The following SYNE2 variants were observed in gnomAD, a reference collection of about 807,000 sequenced individuals.
The protein encoded by SYNE2 is spectrin repeat containing nuclear envelope protein 2, also known as nesprin-2.
A neutral mutation model predicts 856.3 loss-of-function variants in SYNE2; 431 were observed. The ratio of observed to expected loss-of-function variants is 0.50; its 90% CI spans 0.47 to 0.55. SYNE2 has a LOEUF of 0.55. Among genes scored for constraint, SYNE2 ranks in the 20% least tolerant of loss-of-function variants. The probability of loss-of-function intolerance (pLI) is 0.00; values close to 1 mark genes in which losing one functional copy is unlikely to be tolerated. For missense variants in SYNE2, 8,129 were observed against 8,023.2 expected (o/e 1.01, Z -0.50); for synonymous variants, 2,923 against 2,872.3 (o/e 1.02, Z -0.56).
At chr14:63,858,903 TA>T (rs1263399327) in intron 1 of SYNE2, among the ~76,000 whole-genome samples, 3 of 152,248 alleles carry the variant, frequency 2.0e-5, no homozygotes, top group Non-Finnish European at 4.4e-5. Flanking sequence ...GAAATCTGCC[TA>T]ATTCAAAGTC....
intron 1 of SYNE2, among the ~76,000 whole-genome samples, chr14:63,799,830 TA>T (rs1490959328): frequency 2.0e-5 from 3 of 152,256 alleles, no homozygotes; most frequent in Non-Finnish European, 2.9e-5. Context: ...TTCACTTTTA[TA>T]ATATGAAAGT....
Position 64,052,855 on chromosome 14 carries a change from T to A in SYNE2, c.8942T>A (p.Ile2981Asn), listed in dbSNP as rs1268008299. The change falls in exon 48 of 116, where the codon ATC (isoleucine) becomes AAC (asparagine). Residue 2981 changes from isoleucine (I) to asparagine (N), a missense_variant. Ile to Asn is a moderately radical substitution (Grantham distance 149, BLOSUM62 -3). Transcript: ENST00000555002. ...GTAAATAAAGGTGTTAAAGAGGAGA[T>A]CTATAATCTTAAAGACAGACTCACC... ...QEVNKGVKEE[I>N]YNLKDRLTAI... The A allele has an allele frequency of 3.7e-6, 6 of 1,613,578 alleles. No individual in the cohort carries two copies. Among genetic ancestry groups the A allele is most frequent in the Non-Finnish European group, 5.1e-6 (6 of 1,179,950 alleles).
In SYNE2 at chr14:64,177,366, C is replaced by T. The variant is rs2153733479; in HGVS notation, c.17439C>T (p.Asp5813=). Reference sequence around the variant, plus strand: ...ATCTTGTTTTCAAATAGACCTGGGACCAGTGTGAAAAGAAAATCAAGGAGT... The same window carrying T: ...ATCTTGTTTTCAAATAGACCTGGGATCAGTGTGAAAAGAAAATCAAGGAGT... ...KQFQSTVETW[D]QCEKKIKELK... is the part of the protein sequence containing the mutation. The change falls in exon 96 of 116, where the codon GAC becomes GAT. Residue 5813 remains aspartate, a synonymous_variant. Coordinates refer to ENST00000555002, the MANE Select transcript of SYNE2 (RefSeq NM_182914.3). 3 of 1,614,080 alleles carry T rather than the reference C, an allele frequency of 1.9e-6. No homozygotes were observed. Among genetic ancestry groups the T allele is most frequent in the Non-Finnish European group, 1.7e-6 (2 of 1,180,022 alleles).
intron 56 of SYNE2, 69 bp from the exon 57 acceptor site, chr14:64,081,374 T>C (rs1045543668): frequency 6.2e-5 from 99 of 1,592,582 alleles, no homozygotes; most frequent in Middle Eastern, 3.5e-4. Context: ...CTATTGACTC[T>C]TCATCTAGGA....
chr14:63,924,834 G>GTTTTTTTTTTTTTTTTTTTTT (rs1160819887), intron 2 of SYNE2, among the ~76,000 whole-genome samples: 1 of 56,456 alleles, frequency 1.8e-5, no homozygotes, highest in African/African-American at 5.8e-5. Context: ...CAGCCTTGGT[G>GTTTTTTTTTTTTTTTTTTTTT]TTTTTTTTTT....
intron 45 of SYNE2, among the ~76,000 whole-genome samples, chr14:64,044,493 G>C (rs1371355629): frequency 6.6e-6 from 1 of 151,596 alleles, no homozygotes; most frequent in Non-Finnish European, 1.5e-5. Flanking sequence ...TATTTTGGGG[G>C]ACTGTTGGGA....
intron 84 of SYNE2, among the ~76,000 whole-genome samples, chr14:64,150,514 C>T (rs2098232317): frequency 6.6e-6 from 1 of 151,786 alleles, no homozygotes; most frequent in Non-Finnish European, 1.5e-5. Flanking sequence ...AGCCACTGTG[C>T]CCGGCATGGC....
Position 64,176,816 on chromosome 14 carries a change from A to C in SYNE2, c.17431-542A>C, listed in dbSNP as rs945653899. 3.4e-5 allele frequency among the ~76,000 whole-genome samples: 5 copies of C among 146,170 alleles called. No individual in the cohort carries two copies. The South Asian group carries it at 1.1e-3, about 31-fold the overall frequency. ...ATTTATTTATTTATTTATTTATTTTAAGATGGAGTCTTGCTCTGTCACCCA... is the reference window on the plus strand; with the variant it reads ...ATTTATTTATTTATTTATTTATTTTCAGATGGAGTCTTGCTCTGTCACCCA... On this transcript the variant is annotated intron_variant, in intron 95 of 115. Transcript: ENST00000555002.
At chr14:63,948,794 A>ATG (rs2096093114) in intron 6 of SYNE2, among the ~76,000 whole-genome samples, 3 of 80,844 alleles carry the variant, frequency 3.7e-5, no homozygotes, top group African/African-American at 1.5e-4. Context: ...ATATATATAT[A>ATG]TATATATATA....
intron 42 of SYNE2, among the ~76,000 whole-genome samples, chr14:64,027,031 T>C (rs536651497): frequency 6.6e-5 from 10 of 152,364 alleles, no homozygotes; most frequent in Non-Finnish European, 1.3e-4. Context: ...AATTCTTAAT[T>C]CATATCATGT....
At chr14:63,956,554 CT>C in intron 8 of SYNE2, 1 of 417,600 alleles carries the variant, frequency 2.4e-6, no homozygotes. Flanking sequence ...TTTTAAGCAG[CT>C]TTATTAAGAG....
At chr14:63,992,590 CT>C (rs1275331645) in intron 21 of SYNE2, among the ~76,000 whole-genome samples, 1 of 152,156 alleles carries the variant, frequency 6.6e-6, no homozygotes, top group African/African-American at 2.4e-5. Context: ...TTCTTGGCTC[CT>C]TTACCAGAGA....
chr14:64,152,469 A>C, intron 84 of SYNE2, 95 bp from the exon 85 acceptor site: 1 of 1,250,602 alleles, frequency 8.0e-7, no homozygotes, highest in Non-Finnish European at 1.1e-6. Context: ...ATCTAATGAC[A>C]TTTTTACTTG....
Position 64,219,099 on chromosome 14 carries a change from TTTTTG to T in SYNE2, c.19658-104_19658-100del, listed in dbSNP as rs1344674707. On this transcript the variant is annotated intron_variant, in intron 109 of 115. Coordinates refer to ENST00000555002, the MANE Select transcript of SYNE2 (RefSeq NM_182914.3). The stretch of plus-strand genomic sequence containing the variant: ...TCTGTCAGGGGAATCCCCTACAGTT[TTTTTG>T]TTTTTTTTTTTTTTTTTTTTAACCA... The T allele has an allele frequency of 1.5e-3, 1,226 of 791,114 alleles. 9 individuals carry two copies. Among genetic ancestry groups the T allele is most frequent in the Middle Eastern group, 2.6e-3 (7 of 2,654 alleles). The allele number at this position is 791,114 out of a possible 1,614,324, so 49.0% of individuals were successfully genotyped here.
chr14:64,188,772 C>T (rs2098503824), intron 98 of SYNE2, 64 bp downstream of exon 98: 1 of 1,562,982 alleles, frequency 6.4e-7, no homozygotes, highest in Admixed American at 1.7e-5. Context: ...CCTCCTCACT[C>T]CTAAGCCCAA....
chr14:64,224,691 G>T, intron 114 of SYNE2, 144 bp downstream of exon 114: 1 of 916,580 alleles, frequency 1.1e-6, no homozygotes. Context: ...CTTACAGTCT[G>T]CCTCTAGTCA....
intron 45 of SYNE2, among the ~76,000 whole-genome samples, chr14:64,039,825 AGG>A (rs1301341295): frequency 6.6e-6 from 1 of 152,156 alleles, no homozygotes; most frequent in Non-Finnish European, 1.5e-5. Context: ...AGAATTTATA[AGG>A]GCTCAAAGAG....
intron 1 of SYNE2, among the ~76,000 whole-genome samples, chr14:63,904,717 CT>C (rs1297430951): frequency 6.6e-6 from 1 of 151,946 alleles, no homozygotes; most frequent in Non-Finnish European, 1.5e-5. Context: ...AATATTAGGC[CT>C]TTGTCAGTGC....
intron 2 of SYNE2, among the ~76,000 whole-genome samples, chr14:63,928,249 C>T (rs552433201): frequency 1.4e-4 from 22 of 152,112 alleles, no homozygotes; most frequent in South Asian, 1.2e-3. Context: ...AGAGATAGGG[C>T]GGTAGAGTAT....
Sources: allele counts gnomAD v4.1 joint callset (sites outside exome capture counted in the v4.1 genomes callset), GRCh38; gene constraint gnomAD v4.1.1; transcripts MANE v1.5; gene names NCBI Gene and HGNC (gene_info 2026-07-23, HGNC 2026-07-21).